RESF1: variants seen among roughly 807,000 people sequenced by gnomAD.
RESF1 encodes gonad expressed transcript.
Under a neutral mutation model 134.7 loss-of-function variants are expected in RESF1, and 65 were observed. That is an observed-to-expected ratio of 0.48 (90% CI 0.40 to 0.59). The LOEUF (loss-of-function observed/expected upper bound fraction) is 0.59. Among genes scored for constraint, RESF1 ranks in the 20% least tolerant of loss-of-function variants. The pLI, the probability that RESF1 is intolerant of heterozygous loss-of-function variation, is 0.00. For synonymous variants in RESF1, 762 were observed against 702.2 expected (o/e 1.09, Z -1.35); for missense variants, 2,274 against 2,002.7 (o/e 1.14, Z -2.59).
Position 31,983,685 on chromosome 12 carries a change from A to G in RESF1, c.2730A>G (p.Ala910=), listed in dbSNP as rs756297368. 1 of 1,613,960 alleles carries G rather than the reference A, an allele frequency of 6.2e-7. No individual in the cohort carries two copies. The highest frequency in any genetic ancestry group is 1.1e-5 in the South Asian group (1 of 91,088). Residue 910 remains alanine, a synonymous_variant, in exon 4 of 6, where the codon GCA becomes GCG. Coordinates refer to ENST00000312561, the MANE Select transcript of RESF1 (RefSeq NM_018169.4). ...EGDTSYNSQI[A]KIFSSLPLKM... ...ATACCTCTTACAATTCCCAAATAGC[A>G]AAGATATTCAGCTCTCTTCCCTTGA...
At chr12:31,978,360 G>A (rs1458478701) in intron 3 of RESF1, among the ~76,000 whole-genome samples, 1 of 151,918 alleles carries the variant, frequency 6.6e-6, no homozygotes, top group Non-Finnish European at 1.5e-5. Flanking sequence ...TCAGTTTTGT[G>A]TTTTCCTCTC....
chr12:31,980,040 A>G (rs1263055997), intron 3 of RESF1, among the ~76,000 whole-genome samples: 4 of 151,914 alleles, frequency 2.6e-5, no homozygotes, highest in Non-Finnish European at 5.9e-5. Context: ...ATGTGCATAC[A>G]GAGTTCATTA....
chr12:31,959,513 C>G (rs913756287), intron 1 of RESF1, 22 bp downstream of exon 1: 1 of 152,284 alleles, frequency 6.6e-6, no homozygotes, highest in Non-Finnish European at 1.5e-5. Context: ...ACGAGCACCC[C>G]GAGGTCCCTC....
At chr12:31,987,173 CT>C (rs1939992140) in intron 4 of RESF1, 65 bp from the exon 5 acceptor site, 1 of 855,858 alleles carries the variant, frequency 1.2e-6, no homozygotes, top group African/African-American at 1.7e-5. Flanking sequence ...CATGATTTTC[CT>C]TTGTTATAGT....
rs1353744588 is a variant in RESF1, at chr12:31,987,322, G to C, written c.5086G>C (p.Asp1696His). The part of the protein sequence containing the change: ...KRTQKDSQER[D>H]NVNSRLSKRS... The stretch of plus-strand genomic sequence containing the variant: ...GACACAGAAAGACAGCCAAGAGAGA[G>C]GTAAAGTCATCTTTTTAAATCTTCA... Residue 1696 changes from aspartate (D) to histidine (H), a missense_variant and splice_region_variant, in exon 5 of 6, where the codon GAT (aspartate) becomes CAT (histidine). Asp to His is a moderately conservative substitution (Grantham distance 81, BLOSUM62 -1). Coordinates refer to ENST00000312561, the MANE Select transcript of RESF1 (RefSeq NM_018169.4). 3 of 1,577,384 alleles carry C rather than the reference G, an allele frequency of 1.9e-6. No homozygotes were observed. Among genetic ancestry groups the C allele is most frequent in the Non-Finnish European group, 2.6e-6 (3 of 1,150,116 alleles).
At chr12:31,963,029 T>C (rs1357842421) in intron 2 of RESF1, among the ~76,000 whole-genome samples, 1 of 152,034 alleles carries the variant, frequency 6.6e-6, no homozygotes, top group Non-Finnish European at 1.5e-5. Flanking sequence ...ATCGCGCCAC[T>C]GTACCCTAGC....
In RESF1 at chr12:31,982,382, C is replaced by T. The variant is rs1464696815; in HGVS notation, c.1427C>T (p.Ala476Val). ...ERQTPTVVES[A>V]ETNKTQCMLN... is the part of the protein sequence containing the mutation. ...CAAACACCAACAGTAGTGGAATCTGCAGAAACAAATAAGACTCAATGTATG... is the reference window on the plus strand; with the variant it reads ...CAAACACCAACAGTAGTGGAATCTGTAGAAACAAATAAGACTCAATGTATG... Residue 476 changes from alanine to valine, a missense_variant, in exon 4 of 6, where the codon GCA becomes GTA. Coordinates refer to ENST00000312561, the MANE Select transcript of RESF1 (RefSeq NM_018169.4). 3.7e-6 allele frequency: 6 copies of T among 1,614,064 alleles called. No individual in the cohort carries two copies. Among genetic ancestry groups the T allele is most frequent in the Non-Finnish European group, 5.1e-6 (6 of 1,179,998 alleles).
chr12:31,969,403 C>T (rs1939462030), intron 2 of RESF1, among the ~76,000 whole-genome samples: 1 of 152,152 alleles, frequency 6.6e-6, no homozygotes, highest in Admixed American at 6.5e-5. Context: ...GCTTGGGAAG[C>T]TGTGGTGAGA....
chr12:31,977,466 C>G (rs557001338), intron 3 of RESF1, among the ~76,000 whole-genome samples: 1 of 152,144 alleles, frequency 6.6e-6, no homozygotes, highest in East Asian at 1.9e-4. Flanking sequence ...GATTTACAGG[C>G]GTGGGCCACC....
chr12:31,976,967 T>A (rs1939649616), intron 3 of RESF1, among the ~76,000 whole-genome samples: 1 of 152,198 alleles, frequency 6.6e-6, no homozygotes, highest in African/African-American at 2.4e-5. Flanking sequence ...ATTTTTCTTT[T>A]TACGTAATTC....
chr12:31,985,129 CATG>C lies in RESF1; in HGVS notation c.4177_4179del (p.Asp1393del). 7 of 1,546,806 alleles carry C rather than the reference CATG, an allele frequency of 4.5e-6. No individual in the cohort carries two copies. The highest frequency in any genetic ancestry group is 6.1e-6 in the Non-Finnish European group (7 of 1,155,028). On this transcript the variant is annotated inframe_deletion, in exon 4 of 6. Coordinates refer to ENST00000312561, the MANE Select transcript of RESF1 (RefSeq NM_018169.4). ...AGATATGGAAGTAAAGAAAAAGAAA[CATG>C]ATAAACAAGAACAGAAAGGAAGTGT... is the stretch of plus-strand genomic sequence containing the variant.
At chr12:31,978,262 A>AT (rs1016531956) in intron 3 of RESF1, among the ~76,000 whole-genome samples, 22 of 152,010 alleles carry the variant, frequency 1.4e-4, no homozygotes, top group African/African-American at 4.8e-4. Context: ...ATATTCTTGC[A>AT]TTTTGACCTT....
intron 3 of RESF1, 119 bp from the exon 4 acceptor site, chr12:31,980,759 A>G (rs928992345): frequency 4.1e-6 from 2 of 492,772 alleles, no homozygotes; most frequent in South Asian, 3.9e-5. Context: ...TTCTTCCCAA[A>G]TTAAAGATGA....
intron 5 of RESF1, 108 bp from the exon 6 acceptor site, chr12:31,992,270 C>G: frequency 1.0e-6 from 1 of 961,852 alleles, no homozygotes; most frequent in Non-Finnish European, 1.6e-6. Flanking sequence ...TAACTCCTTG[C>G]CTTAATTTTT....
chr12:31,966,126 TACACTA>T (rs1240785053), intron 2 of RESF1, among the ~76,000 whole-genome samples: 2 of 151,938 alleles, frequency 1.3e-5, no homozygotes, highest in African/African-American at 2.4e-5. Flanking sequence ...ACACATAAAA[TACACTA>T]ACACTAACAA....
chr12:31,962,899 A>T (rs948125219), intron 2 of RESF1, among the ~76,000 whole-genome samples: 1 of 150,380 alleles, frequency 6.6e-6, no homozygotes. Flanking sequence ...GGAGTTGGAG[A>T]CCAGCCTGGC....
At chr12:31,965,420 AT>A (rs1396450603) in intron 2 of RESF1, among the ~76,000 whole-genome samples, 1 of 152,164 alleles carries the variant, frequency 6.6e-6, no homozygotes, top group East Asian at 1.9e-4. Context: ...TCTAGAGAGT[AT>A]TTAAACTGCA....
Position 31,987,225 on chromosome 12 carries a change from G to A in RESF1, c.5003-14G>A, listed in dbSNP as rs1565488964. Reference sequence around the variant, plus strand: ...TAGCAATATCTAGAGTTCTGAAAATGAATATTTAAATAGTTTCAGGAATAA... The same window carrying A: ...TAGCAATATCTAGAGTTCTGAAAATAAATATTTAAATAGTTTCAGGAATAA... On this transcript the variant is annotated splice_polypyrimidine_tract_variant and intron_variant, in intron 4 of 5. Transcript: ENST00000312561. 1 of 1,374,486 alleles carries A rather than the reference G, an allele frequency of 7.3e-7. No homozygotes were observed. Among genetic ancestry groups the A allele is most frequent in the African/African-American group, 1.4e-5 (1 of 69,532 alleles). 85.1% of individuals were successfully genotyped at this position (1,374,486 alleles called of 1,614,324 possible). A position where few individuals can be genotyped will look rare whatever the true frequency, so the allele number is the denominator to read the frequency against.
chr12:31,961,844 G>A (rs1035908074), intron 2 of RESF1, among the ~76,000 whole-genome samples: 29 of 152,178 alleles, frequency 1.9e-4, no homozygotes, highest in African/African-American at 6.3e-4. Flanking sequence ...TGATTGTACA[G>A]GAATCTCTCT....
Sources: allele counts gnomAD v4.1 joint callset (sites outside exome capture counted in the v4.1 genomes callset), GRCh38; gene constraint gnomAD v4.1.1; transcripts MANE v1.5; gene names NCBI Gene and HGNC (gene_info 2026-07-23, HGNC 2026-07-21).